Variants in PTPRD observed in about 807,000 individuals in gnomAD.
PTPRD encodes receptor-type tyrosine-protein phosphatase delta.
PTPRD carries 34 observed loss-of-function variants against 214.5 expected under a neutral mutation model. The observed-to-expected ratio is 0.16, with a 90% CI of 0.12 to 0.21. The LOEUF (loss-of-function observed/expected upper bound fraction) is 0.21. Ranked by LOEUF, PTPRD falls within the 10% of genes least tolerant of loss-of-function variation. The pLI, the probability that PTPRD is intolerant of heterozygous loss-of-function variation, is 1.00. For synonymous variants in PTPRD, 1,128 were observed against 845.7 expected, an observed-to-expected ratio of 1.33 and a Z score of -5.79; for missense variants, 2,545 against 2,398.7, an observed-to-expected ratio of 1.06 and a Z score of -1.27.
intron 10 of PTPRD, among the ~76,000 whole-genome samples, chr9:9,163,725 C>T (rs193186854): frequency 1.3e-5 from 2 of 152,138 alleles, no homozygotes; most frequent in Non-Finnish European, 2.9e-5. Flanking sequence ...ACTGACTCGA[C>T]CATTCATGAT....
At chr9:9,196,507 C>T (rs1159654282) in intron 9 of PTPRD, among the ~76,000 whole-genome samples, 1 of 152,144 alleles carries the variant, frequency 6.6e-6, no homozygotes, top group Non-Finnish European at 1.5e-5. Context: ...AATAATTTTG[C>T]TCTAAAGTTA....
intron 11 of PTPRD, among the ~76,000 whole-genome samples, chr9:8,829,356 CTAAAAAATCACA>C (rs1185375065): frequency 1.3e-5 from 2 of 152,088 alleles, no homozygotes; most frequent in African/African-American, 4.8e-5. Flanking sequence ...TTAGTTTTAC[CTAAAAAATCACA>C]GAGGGAATCA....
intron 5 of PTPRD, among the ~76,000 whole-genome samples, chr9:9,797,183 G>A (rs1052339389): frequency 3.6e-4 from 53 of 146,156 alleles, no homozygotes; most frequent in South Asian, 1.3e-3. Flanking sequence ...TACAACATAT[G>A]CATAAAATAT....
intron 14 of PTPRD, among the ~76,000 whole-genome samples, chr9:8,604,054 C>T (rs2154280134): frequency 6.6e-6 from 1 of 152,306 alleles, no homozygotes; most frequent in East Asian, 1.9e-4. Flanking sequence ...TAATTCTTCA[C>T]TTCAGCTTCC....
chr9:10,186,035 T>C (rs559008384), intron 3 of PTPRD, among the ~76,000 whole-genome samples: 1 of 152,112 alleles, frequency 6.6e-6, no homozygotes, highest in Non-Finnish European at 1.5e-5. Flanking sequence ...ATTTCACTTG[T>C]ATACCAGAAC....
intron 11 of PTPRD, among the ~76,000 whole-genome samples, chr9:8,794,735 C>A (rs1228513969): frequency 3.9e-5 from 6 of 151,952 alleles, no homozygotes; most frequent in South Asian, 2.1e-4. Flanking sequence ...TTTAAGTTCA[C>A]TGACTTGCCT....
At chr9:8,871,935 C>T (rs2098307516) in intron 11 of PTPRD, among the ~76,000 whole-genome samples, 1 of 152,120 alleles carries the variant, frequency 6.6e-6, no homozygotes, top group Non-Finnish European at 1.5e-5. Flanking sequence ...CATCATTGTA[C>T]TGGGGCACCA....
At chr9:8,539,155 A>C (rs1426163040) in intron 14 of PTPRD, among the ~76,000 whole-genome samples, 1 of 152,080 alleles carries the variant, frequency 6.6e-6, no homozygotes, top group Non-Finnish European at 1.5e-5. Flanking sequence ...AAATAAAGAC[A>C]TGCATCCATA....
At chr9:9,451,372 T>C (rs1033591062) in intron 8 of PTPRD, among the ~76,000 whole-genome samples, 1 of 151,764 alleles carries the variant, frequency 6.6e-6, no homozygotes, top group Admixed American at 6.6e-5. Context: ...AAACAAAAAA[T>C]GAAACCACAA....
At chr9:9,701,469 T>C (rs114733971) in intron 7 of PTPRD, among the ~76,000 whole-genome samples, 2,158 of 152,246 alleles carry the variant, frequency 0.014, 64 homozygotes, top group African/African-American at 0.048. Flanking sequence ...ACTAAAGAGT[T>C]AGTACTCAAA....
At chr9:9,549,497 T>C (rs1164706026) in intron 8 of PTPRD, among the ~76,000 whole-genome samples, 1 of 152,048 alleles carries the variant, frequency 6.6e-6, no homozygotes, top group African/African-American at 2.4e-5. Context: ...TCTACCAAAA[T>C]AGATAGTCAA....
chr9:9,947,598 T>A (rs1407708163), intron 4 of PTPRD, among the ~76,000 whole-genome samples: 4 of 63,462 alleles, frequency 6.3e-5, no homozygotes, highest in Admixed American at 5.9e-4. Context: ...ATATATATAA[T>A]ATATATATTT....
chr9:9,188,941 T>G (rs1028056015), intron 9 of PTPRD, among the ~76,000 whole-genome samples: 3 of 151,872 alleles, frequency 2.0e-5, no homozygotes, highest in African/African-American at 7.2e-5. Context: ...TCATCAGAAA[T>G]TCCTAGGGTG....
intron 2 of PTPRD, among the ~76,000 whole-genome samples, chr9:10,370,990 T>G (rs138912742): frequency 1.7e-4 from 26 of 152,186 alleles, no homozygotes; most frequent in African/African-American, 6.3e-4. Context: ...AAAATGATTT[T>G]AATATTTTTC....
intron 9 of PTPRD, among the ~76,000 whole-genome samples, chr9:9,380,067 G>A (rs564789240): frequency 2.3e-4 from 35 of 152,014 alleles, no homozygotes; most frequent in African/African-American, 7.5e-4. Flanking sequence ...AAGGTGTAGC[G>A]AGATAGGGAA....
At chr9:10,005,379 T>C (rs1231729476) in intron 4 of PTPRD, among the ~76,000 whole-genome samples, 1 of 152,166 alleles carries the variant, frequency 6.6e-6, no homozygotes, top group Non-Finnish European at 1.5e-5. Flanking sequence ...TTGTAGGTTC[T>C]ACTGTGCTCA....
intron 9 of PTPRD, among the ~76,000 whole-genome samples, chr9:9,370,412 T>C (rs1195990098): frequency 6.6e-6 from 1 of 151,830 alleles, no homozygotes; most frequent in Admixed American, 6.6e-5. Flanking sequence ...GCTCTCTATT[T>C]GTCTGTTATT....
At chr9:9,603,178 G>C (rs888714761) in intron 7 of PTPRD, among the ~76,000 whole-genome samples, 3 of 152,084 alleles carry the variant, frequency 2.0e-5, no homozygotes, top group Non-Finnish European at 4.4e-5. Context: ...TTCTGAAAGG[G>C]TAAACATTAA....
chr9:8,571,148 C>T (rs1324801826), intron 14 of PTPRD, among the ~76,000 whole-genome samples: 3 of 152,022 alleles, frequency 2.0e-5, no homozygotes, highest in East Asian at 3.9e-4. Flanking sequence ...TGGTGTTTAT[C>T]ACCAGAGTTG....
Sources: allele counts gnomAD v4.1 joint callset (sites outside exome capture counted in the v4.1 genomes callset), GRCh38; gene constraint gnomAD v4.1.1; transcripts MANE v1.5; gene names NCBI Gene and HGNC (gene_info 2026-07-23, HGNC 2026-07-21).